The following CCDC171 variants were observed in gnomAD, a reference collection of about 807,000 sequenced individuals.
CCDC171 encodes coiled-coil domain-containing protein 171.
A neutral mutation model predicts 168.2 loss-of-function variants in CCDC171; 177 were observed. The observed-to-expected ratio is 1.05, with a 90% CI of 0.93 to 1.19. The LOEUF (loss-of-function observed/expected upper bound fraction) is 1.19, where lower values mean the gene tolerates loss of function less well. Among genes scored for constraint, CCDC171 ranks in the 50% most tolerant of loss-of-function variants. The pLI, the probability that CCDC171 is intolerant of heterozygous loss-of-function variation, is 0.00. For synonymous variants in CCDC171, 687 were observed against 540.8 expected, an observed-to-expected ratio of 1.27 and a Z score of -3.75; for missense variants, 1,991 against 1,539.0, an observed-to-expected ratio of 1.29 and a Z score of -4.91.
At chr9:15,701,890 G>A (rs535641413) in intron 11 of CCDC171, among the ~76,000 whole-genome samples, 1 of 152,280 alleles carries the variant, frequency 6.6e-6, no homozygotes, top group South Asian at 2.1e-4. Flanking sequence ...CTGGAATGGT[G>A]AATTCTTTGC....
intron 24 of CCDC171, among the ~76,000 whole-genome samples, chr9:15,901,717 A>C (rs1288333996): frequency 2.0e-5 from 3 of 152,178 alleles, no homozygotes; most frequent in African/African-American, 7.2e-5. Flanking sequence ...TATTTGTTAA[A>C]CATTAATGTG....
intron 3 of CCDC171, among the ~76,000 whole-genome samples, chr9:15,985,425 G>T (rs1342778294): frequency 6.6e-6 from 1 of 152,108 alleles, no homozygotes; most frequent in African/African-American, 2.4e-5. Flanking sequence ...CTGTTAACAG[G>T]GACAGTCCTT....
chr9:15,775,252 A>G (rs1397815959), intron 18 of CCDC171, among the ~76,000 whole-genome samples: 1 of 152,248 alleles, frequency 6.6e-6, no homozygotes, highest in African/African-American at 2.4e-5. Context: ...CTTCTTAAAA[A>G]TTTAGAAGAA....
intron 7 of CCDC171, among the ~76,000 whole-genome samples, chr9:15,624,749 T>G (rs1316417488): frequency 6.6e-6 from 1 of 152,196 alleles, no homozygotes; most frequent in Non-Finnish European, 1.5e-5. Flanking sequence ...TCTTTGCTAT[T>G]GTGAATAGTG....
At chr9:15,658,878 C>T (rs2132990964) in intron 8 of CCDC171, among the ~76,000 whole-genome samples, 1 of 152,198 alleles carries the variant, frequency 6.6e-6, no homozygotes, top group South Asian at 2.1e-4. Context: ...TTTAAATTGC[C>T]AATTTGTGGT....
intron 25 of CCDC171, among the ~76,000 whole-genome samples, chr9:15,933,224 A>G (rs893381408): frequency 6.6e-6 from 1 of 151,942 alleles, no homozygotes; most frequent in African/African-American, 2.4e-5. Flanking sequence ...CAGGTCCTGA[A>G]CTTTTCTTTG....
intron 21 of CCDC171, among the ~76,000 whole-genome samples, chr9:15,819,684 A>T (rs1291077676): frequency 1.7e-5 from 2 of 118,134 alleles, no homozygotes; most frequent in East Asian, 4.3e-4. Flanking sequence ...ACCCAGATTC[A>T]TAAAGCAAGT....
chr9:15,668,302 C>G (rs941680866), intron 9 of CCDC171, among the ~76,000 whole-genome samples: 11 of 152,170 alleles, frequency 7.2e-5, no homozygotes, highest in Non-Finnish European at 1.5e-4. Context: ...AACACTTAAG[C>G]TCTGAGTCTA....
In CCDC171 at chr9:15,736,109, T is replaced by C. The variant is rs531562391; in HGVS notation, c.2049+6311T>C. Among the ~76,000 whole-genome samples, 3 of 152,230 alleles carry C rather than the reference T, an allele frequency of 2.0e-5. No individual in the cohort carries two copies. In the East Asian group the frequency reaches 5.8e-4, roughly 29 times the overall value. On this transcript the variant is annotated intron_variant, in intron 16 of 25. Transcript: ENST00000380701. ...CTACTTACTTGTGTAGTAAGGAAGT[T>C]CTAGGGACAGGATTAGAAGAAACAT...
chr9:15,997,655 A>G (rs1832414901), intron 3 of CCDC171, among the ~76,000 whole-genome samples: 1 of 152,032 alleles, frequency 6.6e-6, no homozygotes. Flanking sequence ...ACTCTTCTCC[A>G]CTATCCATTT....
chr9:15,748,193 C>G (rs1303808253), intron 18 of CCDC171, among the ~76,000 whole-genome samples: 2 of 151,972 alleles, frequency 1.3e-5, no homozygotes, highest in African/African-American at 2.4e-5. Flanking sequence ...GCTTCAGCAG[C>G]AGATTTGATC....
Position 15,779,146 on chromosome 9 carries a change from A to G in CCDC171, c.3077A>G (p.Gln1026Arg), listed in dbSNP as rs374296923. The G allele has an allele frequency of 2.8e-5, 44 of 1,551,414 alleles. No individual in the cohort carries two copies. Among genetic ancestry groups the G allele is most frequent in the Non-Finnish European group, 3.7e-5 (43 of 1,149,884 alleles). Residue 1026 changes from glutamine to arginine, a missense_variant, in exon 20 of 26, where the codon CAG becomes CGG. By Grantham distance (43) the Gln-to-Arg change is conservative. Transcript: ENST00000380701. ...CAAATGCAATTAAATGAATTTAAGC[A>G]GTCTGTAAGTATATATCATTTAGGA... ...GLQMQLNEFK[Q>R]SKLITHEKFE...
At chr9:15,796,622 C>A (rs2058568931) in intron 21 of CCDC171, among the ~76,000 whole-genome samples, 1 of 152,216 alleles carries the variant, frequency 6.6e-6, no homozygotes, top group Non-Finnish European at 1.5e-5. Flanking sequence ...CTACAGCAGT[C>A]TGAGCTCCCT....
chr9:15,647,988 A>G lies in CCDC171; in HGVS notation c.823-9139A>G, dbSNP rs1254116207. On this transcript the variant is annotated intron_variant, in intron 7 of 25. Transcript: ENST00000380701. ...AATGTCCCTGATGAACATTGATGCA[A>G]AAATCCTCAATAAAATACTGGCAAA... is the stretch of plus-strand genomic sequence containing the variant. 4.6e-5 allele frequency among the ~76,000 whole-genome samples: 7 copies of G among 152,366 alleles called. No homozygotes were observed. In the South Asian group the frequency reaches 1.0e-3, roughly 23 times the overall value.
chr9:15,556,919 A>ATG, intron 1 of CCDC171, among the ~76,000 whole-genome samples: 1 of 152,236 alleles, frequency 6.6e-6, no homozygotes, highest in African/African-American at 2.4e-5. Flanking sequence ...ATTTTTGTGT[A>ATG]AGGTATAAGG....
intron 24 of CCDC171, among the ~76,000 whole-genome samples, chr9:15,894,929 G>C (rs974754068): frequency 5.9e-5 from 9 of 152,036 alleles, no homozygotes; most frequent in African/African-American, 1.9e-4. Flanking sequence ...AGTATCTTCA[G>C]CACCTAGAAC....
chr9:16,024,764 A>T (rs1833241166), intron 6 of CCDC171, among the ~76,000 whole-genome samples: 2 of 152,246 alleles, frequency 1.3e-5, no homozygotes, highest in African/African-American at 4.8e-5. Flanking sequence ...TGGATACAAT[A>T]AACAGAAACA....
intron 23 of CCDC171, among the ~76,000 whole-genome samples, chr9:15,864,573 G>A (rs183423218): frequency 5.7e-4 from 87 of 152,002 alleles, no homozygotes; most frequent in African/African-American, 2.0e-3. Flanking sequence ...TTGGTTTTTT[G>A]TCCTTGCGAT....
At chr9:15,742,877 G>T (rs2054977598) in intron 16 of CCDC171, among the ~76,000 whole-genome samples, 1 of 151,766 alleles carries the variant, frequency 6.6e-6, no homozygotes, top group Admixed American at 6.6e-5. Flanking sequence ...GGACTAAAGA[G>T]ATCCTCCCAC....
Sources: allele counts gnomAD v4.1 joint callset (sites outside exome capture counted in the v4.1 genomes callset), GRCh38; gene constraint gnomAD v4.1.1; transcripts MANE v1.5; gene names NCBI Gene and HGNC (gene_info 2026-07-23, HGNC 2026-07-21).